Variants in SRRD observed in about 807,000 individuals in gnomAD.
The protein encoded by SRRD is SRR1 domain containing.
Under a neutral mutation model 30.7 loss-of-function variants are expected in SRRD, and 28 were observed. The observed-to-expected ratio is 0.91, with a 90% CI of 0.68 to 1.25. The LOEUF (loss-of-function observed/expected upper bound fraction) is 1.25, where lower values mean the gene tolerates loss of function less well. Among genes scored for constraint, SRRD ranks in the 50% most tolerant of loss-of-function variants. The pLI, the probability that SRRD is intolerant of heterozygous loss-of-function variation, is 0.00. For missense variants in SRRD, 415 were observed against 417.3 expected (o/e 0.99, Z 0.05); for synonymous variants, 161 against 159.6 (o/e 1.01, Z -0.07).
chr22:26,486,916 T>C (rs1181252237), intron 2 of SRRD, among the ~76,000 whole-genome samples: 3 of 142,574 alleles, frequency 2.1e-5, no homozygotes, highest in African/African-American at 7.7e-5. Context: ...CTTTGCTGCT[T>C]TTTTTTTTTT....
Position 26,485,948 on chromosome 22 carries a change from C to A in SRRD, c.210-75C>A, listed in dbSNP as rs983357223. 8 of 1,569,998 alleles carry A rather than the reference C, an allele frequency of 5.1e-6. No homozygotes were observed. The African/African-American group carries it at 5.4e-5, about 11-fold the overall frequency. On this transcript the variant is annotated intron_variant, in intron 1 of 6. Transcript: ENST00000215917. ...CACCTCATTCTGTAAGCATTCAGGT[C>A]ATGATCAGGAAAGTTACTGTTGGGG...
intron 4 of SRRD, 140 bp from the exon 5 acceptor site, chr22:26,489,904 G>C (rs1418709442): frequency 1.2e-6 from 1 of 838,788 alleles, no homozygotes. Flanking sequence ...ATATACGAGT[G>C]TAACTGTTCC....
Position 26,491,850 on chromosome 22 carries a change from G to C in SRRD, c.*178G>C, listed in dbSNP as rs565844400. 2.1e-6 allele frequency: 2 copies of C among 931,768 alleles called. No homozygotes were observed. The highest frequency in any genetic ancestry group is 1.7e-5 in the African/African-American group (1 of 60,168). 57.7% of individuals were successfully genotyped at this position (931,768 alleles called of 1,614,324 possible). The stretch of plus-strand genomic sequence containing the variant: ...CTTGGTATAAAGATTCCTGCCCTAC[G>C]TGGCATTGTCCCATTTTACATCCTT... On this transcript the variant is annotated 3_prime_UTR_variant, in exon 7 of 7. Transcript: ENST00000215917.
intron 2 of SRRD, among the ~76,000 whole-genome samples, chr22:26,487,607 C>A (rs1357177455): frequency 6.6e-6 from 1 of 152,238 alleles, no homozygotes; most frequent in African/African-American, 2.4e-5. Flanking sequence ...GCGATCCACT[C>A]ACCTAGGCCT....
Position 26,488,059 on chromosome 22 carries a change from TG to T in SRRD, c.283del (p.Glu95AsnfsTer3), listed in dbSNP as rs751059837. On this transcript the variant is annotated frameshift_variant, in exon 3 of 7. Transcript: ENST00000215917. LOFTEE classifies it high-confidence loss of function. ...ETINRCLTKH[L>X]EQLKAPVGTL... ...ATCAATAGATGTCTCACAAAACATCTGGAACAACTGAAGGCCCCTGTGGGGA... is the reference window on the plus strand; with the variant it reads ...ATCAATAGATGTCTCACAAAACATCTGAACAACTGAAGGCCCCTGTGGGGA... The T allele has an allele frequency of 7.8e-5, 126 of 1,612,830 alleles. No individual in the cohort carries two copies. Among genetic ancestry groups the T allele is most frequent in the Non-Finnish European group, 9.8e-5 (116 of 1,179,422 alleles).
rs983471136 is a variant in SRRD at position 26,492,840 on chromosome 22, G to A, written c.*1168G>A. ...ATATATTTAGGGAGCTGAAATGAGTGTTTAAAGGATAATACCAAGACCATA... is the reference window on the plus strand; with the variant it reads ...ATATATTTAGGGAGCTGAAATGAGTATTTAAAGGATAATACCAAGACCATA... On this transcript the variant is annotated 3_prime_UTR_variant, in exon 7 of 7. Coordinates refer to ENST00000215917, the MANE Select transcript of SRRD (RefSeq NM_001013694.3). 2.9e-5 allele frequency: 5 copies of A among 171,210 alleles called. No homozygotes were observed. The East Asian group carries it at 7.6e-4, about 26-fold the overall frequency. The allele number at this position is 171,210 out of a possible 1,614,324, so 10.6% of individuals were successfully genotyped here. A position where few individuals can be genotyped will look rare whatever the true frequency, so the allele number is the denominator to read the frequency against.
rs770626493 is a variant in SRRD at position 26,486,037 on chromosome 22, T to C, written c.224T>C (p.Ile75Thr). The C allele has an allele frequency of 1.2e-6, 2 of 1,614,184 alleles. No individual in the cohort carries two copies. The highest frequency in any genetic ancestry group is 3.3e-5 in the Admixed American group (2 of 60,032). The change falls in exon 2 of 7, where the codon ATC becomes ACC. Residue 75 changes from isoleucine to threonine, a missense_variant. Coordinates refer to ENST00000215917, the MANE Select transcript of SRRD (RefSeq NM_001013694.3). ...RIWEAEKDLF[I>T]SDFWSSALET... ...TTTCTCAACAGGAAGGACCTGTTTATCTCTGATTTCTGGAGTTCAGCACTA... is the reference window on the plus strand; with the variant it reads ...TTTCTCAACAGGAAGGACCTGTTTACCTCTGATTTCTGGAGTTCAGCACTA...
At chr22:26,486,912 TG>T (rs1458843827) in intron 2 of SRRD, among the ~76,000 whole-genome samples, 5 of 150,322 alleles carry the variant, frequency 3.3e-5, no homozygotes, top group Admixed American at 2.6e-4. Flanking sequence ...ATGTCTTTGC[TG>T]CTTTTTTTTT....
In SRRD at chr22:26,488,607, C is replaced by T; in HGVS notation, c.609+119C>T. 3 of 767,306 alleles carry T rather than the reference C, an allele frequency of 3.9e-6. No homozygotes were observed. In the Admixed American group the frequency reaches 6.4e-5, roughly 16 times the overall value. 47.5% of individuals were successfully genotyped at this position (767,306 alleles called of 1,614,324 possible). A position where few individuals can be genotyped will look rare whatever the true frequency, so the allele number is the denominator to read the frequency against. On this transcript the variant is annotated intron_variant, in intron 4 of 6. Transcript: ENST00000215917. ...GCAGCCATTCCTCTCTTACCGCCTG[C>T]TCACTTTTGTAGTGCCTGAACGATG...
rs138235296 is a variant in SRRD at position 26,488,312 on chromosome 22, TCTC to T, written c.510+34_510+36del. 3.1e-3 allele frequency: 5,050 copies of T among 1,612,930 alleles called. 161 individuals carry two copies. The East Asian group carries it at 0.079, about 25-fold the overall frequency. ...AGGTACATTTTTGGATTCATTTTCATCTCCTCCTCCTCTGGTCCTATACATGGG... is the reference window on the plus strand; with the variant it reads ...AGGTACATTTTTGGATTCATTTTCATCTCCTCCTCTGGTCCTATACATGGG... On this transcript the variant is annotated intron_variant, in intron 3 of 6. Coordinates refer to ENST00000215917, the MANE Select transcript of SRRD (RefSeq NM_001013694.3).
chr22:26,492,785 C>CCGAGATCT lies in SRRD; in HGVS notation c.*1113_*1114insCGAGATCT. 1 of 187,484 alleles carries CCGAGATCT rather than the reference C, an allele frequency of 5.3e-6. No individual in the cohort carries two copies. Among genetic ancestry groups the CCGAGATCT allele is most frequent in the Non-Finnish European group, 1.1e-5 (1 of 88,242 alleles). The allele number at this position is 187,484 out of a possible 1,614,324, so 11.6% of individuals were successfully genotyped here. A position where few individuals can be genotyped will look rare whatever the true frequency, so the allele number is the denominator to read the frequency against. ...ACTGGCTTTATTTTTAACCTACCCACACAGGGCCCCCATCCTGAAAGAAGT... is the reference window on the plus strand; with the variant it reads ...ACTGGCTTTATTTTTAACCTACCCACCGAGATCTACAGGGCCCCCATCCTGAAAGAAGT... On this transcript the variant is annotated 3_prime_UTR_variant, in exon 7 of 7. Transcript: ENST00000215917.
chr22:26,491,015 T>TA lies in SRRD; in HGVS notation c.765-8dup. 6.2e-7 allele frequency: 1 copy of TA among 1,609,112 alleles called. No individual in the cohort carries two copies. Among genetic ancestry groups the TA allele is most frequent in the Non-Finnish European group, 8.5e-7 (1 of 1,178,616 alleles). On this transcript the variant is annotated splice_polypyrimidine_tract_variant and intron_variant, in intron 5 of 6. Coordinates refer to ENST00000215917, the MANE Select transcript of SRRD (RefSeq NM_001013694.3). ...TTTTTTTTGTTTTTTTGGTTTTTTTTAATTTCTAGGTTGTTGGCAAGGATT... is the reference window on the plus strand; with the variant it reads ...TTTTTTTTGTTTTTTTGGTTTTTTTTAAATTTCTAGGTTGTTGGCAAGGATT...
chr22:26,485,641 C>T (rs1014478735), intron 1 of SRRD, among the ~76,000 whole-genome samples: 2 of 152,148 alleles, frequency 1.3e-5, no homozygotes, highest in Non-Finnish European at 2.9e-5. Context: ...TAAACTCCTC[C>T]GTGTTGGGAA....
At chr22:26,484,153 C>G (rs2091635049) in intron 1 of SRRD, 54 bp downstream of exon 1, 3 of 1,481,998 alleles carry the variant, frequency 2.0e-6, no homozygotes, top group Admixed American at 4.0e-5. Context: ...CAATTCTGAG[C>G]CACAGTCTCC....
Position 26,494,045 on chromosome 22 carries a change from C to T in SRRD, c.*2373C>T. ...AAGTGTGACCTAAGGTTTAGGCTGC[C>T]TACAGGAACCAGAAAACTCTGATTC... On this transcript the variant is annotated 3_prime_UTR_variant, in exon 7 of 7. Transcript: ENST00000215917. The T allele has an allele frequency of 6.9e-7, 1 of 1,458,444 alleles. No individual in the cohort carries two copies. The allele number at this position is 1,458,444 out of a possible 1,614,324, so 90.3% of individuals were successfully genotyped here. A position where few individuals can be genotyped will look rare whatever the true frequency, so the allele number is the denominator to read the frequency against.
intron 4 of SRRD, among the ~76,000 whole-genome samples, chr22:26,489,840 T>C (rs1227132213): frequency 1.3e-5 from 2 of 152,124 alleles, no homozygotes; most frequent in Non-Finnish European, 2.9e-5. Flanking sequence ...TAAACATGAG[T>C]TCTTTCGGGA....
In SRRD at chr22:26,491,814, C is replaced by G; in HGVS notation, c.*142C>G. ...GCTGTCCTGTTTTGAGGACGATACC[C>G]CACATGAGGACTTGGTATAAAGATT... On this transcript the variant is annotated 3_prime_UTR_variant, in exon 7 of 7. Coordinates refer to ENST00000215917, the MANE Select transcript of SRRD (RefSeq NM_001013694.3). 1.1e-6 allele frequency: 1 copy of G among 927,246 alleles called. No homozygotes were observed. The highest frequency in any genetic ancestry group is 1.7e-5 in the African/African-American group (1 of 60,096). 57.4% of individuals were successfully genotyped at this position (927,246 alleles called of 1,614,324 possible). A position where few individuals can be genotyped will look rare whatever the true frequency, so the allele number is the denominator to read the frequency against.
chr22:26,489,527 AGAG>A (rs1278704922), intron 4 of SRRD, among the ~76,000 whole-genome samples: 2 of 151,954 alleles, frequency 1.3e-5, no homozygotes, highest in Non-Finnish European at 1.5e-5. Flanking sequence ...AGCTGCAAGG[AGAG>A]GAGAGGCAGG....
At chr22:26,486,733 A>G (rs1467614532) in intron 2 of SRRD, among the ~76,000 whole-genome samples, 1 of 152,154 alleles carries the variant, frequency 6.6e-6, no homozygotes, top group African/African-American at 2.4e-5. Flanking sequence ...TAAAGCTTTT[A>G]CCAAACTTAG....
Sources: gnomAD v4.1 joint callset for allele counts (sites outside exome capture counted in the v4.1 genomes callset) on GRCh38, gnomAD v4.1.1 for gene constraint, MANE v1.5 for transcripts, NCBI Gene and HGNC (gene_info 2026-07-23, HGNC 2026-07-21) for gene names.